The following ARMC3 variants were observed in gnomAD, a reference collection of about 807,000 sequenced individuals.
ARMC3 encodes the protein armadillo repeat containing 3, also known as armadillo repeat-containing protein 3.
In ARMC3, 74 loss-of-function variants were observed where a neutral mutation model predicts 90.3. The observed-to-expected ratio is 0.82, with a 90% confidence interval of 0.68 to 0.99. The LOEUF (loss-of-function observed/expected upper bound fraction) is 0.99, where lower values mean the gene tolerates loss of function less well. ARMC3 is among the 50% of genes least tolerant of loss of function. ARMC3 has a pLI of 0.00. For synonymous variants in ARMC3, 334 were observed against 361.8 expected, an observed-to-expected ratio of 0.92 and a Z score of 0.87; for missense variants, 958 against 1,042.8, an observed-to-expected ratio of 0.92 and a Z score of 1.12.
At position 23,001,988 on chromosome 10, in the gene ARMC3, C is replaced by CA; in HGVS notation, c.1496dup (p.His499GlnfsTer12). Reference sequence around the variant, plus strand: ...CTCCAAGAATGATGAAGTGAGGAAGCACGCCAGTTGGGCAGTGATGGTCTG... The same window carrying CA: ...CTCCAAGAATGATGAAGTGAGGAAGCAACGCCAGTTGGGCAGTGATGGTCTG... On this transcript the variant is annotated frameshift_variant, in exon 12 of 19. Coordinates refer to ENST00000298032, the MANE Select transcript of ARMC3 (RefSeq NM_173081.5). LOFTEE classifies it high-confidence loss of function. The CA allele has an allele frequency of 6.2e-7, 1 of 1,613,958 alleles. No homozygotes were observed. The highest frequency in any genetic ancestry group is 1.7e-5 in the Admixed American group (1 of 60,022).
chr10:22,953,454 CA>C (rs1834809874), intron 3 of ARMC3, among the ~76,000 whole-genome samples: 1 of 152,044 alleles, frequency 6.6e-6, no homozygotes, highest in African/African-American at 2.4e-5. Flanking sequence ...ACATGCAAAA[CA>C]ACCTTTTTGG....
At chr10:22,992,397 C>A (rs1165363596) in intron 10 of ARMC3, among the ~76,000 whole-genome samples, 1 of 152,146 alleles carries the variant, frequency 6.6e-6, no homozygotes, top group East Asian at 1.9e-4. Flanking sequence ...GTAATCAATT[C>A]GGTTTCACAT....
intron 10 of ARMC3, among the ~76,000 whole-genome samples, chr10:22,986,096 C>A (rs1028092578): frequency 3.3e-4 from 50 of 149,308 alleles, no homozygotes; most frequent in Non-Finnish European, 5.5e-4. Flanking sequence ...CACCCCCACA[C>A]CCCTGCACTG....
Position 22,986,056 on chromosome 10 carries a change from C to T in ARMC3, c.1175+4356C>T, listed in dbSNP as rs1295853313. 2.4e-4 allele frequency among the ~76,000 whole-genome samples: 36 copies of T among 150,428 alleles called. No individual in the cohort carries two copies. In the Admixed American group the frequency reaches 2.4e-3, roughly 10 times the overall value. ...ATTTTCTAACATAGCATGTAACTCACCTGGTACACTTATCATCATTTATTT... is the reference window on the plus strand; with the variant it reads ...ATTTTCTAACATAGCATGTAACTCATCTGGTACACTTATCATCATTTATTT... On this transcript the variant is annotated intron_variant, in intron 10 of 18. Transcript: ENST00000298032.
chr10:23,015,919 G>A (rs1838247701), intron 16 of ARMC3, among the ~76,000 whole-genome samples: 3 of 152,100 alleles, frequency 2.0e-5, no homozygotes, highest in African/African-American at 2.4e-5. Flanking sequence ...TTCCAGTGCT[G>A]GAGATACAGC....
At chr10:23,006,012 G>A (rs1461300478) in intron 13 of ARMC3, among the ~76,000 whole-genome samples, 1 of 152,214 alleles carries the variant, frequency 6.6e-6, no homozygotes, top group East Asian at 1.9e-4. Flanking sequence ...GTATCACTGA[G>A]AGGGTGATCA....
At chr10:23,008,782 G>C in intron 15 of ARMC3, 33 bp from the exon 16 acceptor site, 1 of 1,542,174 alleles carries the variant, frequency 6.5e-7, no homozygotes. Context: ...CCATATGATT[G>C]AAATTGGTTG....
intron 16 of ARMC3, among the ~76,000 whole-genome samples, chr10:23,011,160 G>A (rs919056991): frequency 6.6e-6 from 1 of 152,028 alleles, no homozygotes; most frequent in African/African-American, 2.4e-5. Flanking sequence ...GTTCTAATTT[G>A]AATAGTTTAT....
intron 13 of ARMC3, among the ~76,000 whole-genome samples, chr10:23,006,240 C>A (rs926462919): frequency 6.6e-6 from 1 of 152,186 alleles, no homozygotes; most frequent in Non-Finnish European, 1.5e-5. Context: ...AGACCCTAGA[C>A]CAGAGAGCTA....
chr10:22,959,475 A>T lies in ARMC3; in HGVS notation c.438A>T (p.Ile146=), dbSNP rs575859510. 6.2e-7 allele frequency: 1 copy of T among 1,613,996 alleles called. No individual in the cohort carries two copies. Among genetic ancestry groups the T allele is most frequent in the East Asian group, 2.2e-5 (1 of 44,858 alleles). ...MSAEYTSKVQ[I]FEHGGLEPLI... ...CAGAGTACACCAGTAAAGTGCAAAT[A>T]TTTGAACATGGGGGATTAGAGCCAC... is the stretch of plus-strand genomic sequence containing the variant. Residue 146 remains isoleucine, a synonymous_variant, in exon 6 of 19, where the codon ATA becomes ATT. Coordinates refer to ENST00000298032, the MANE Select transcript of ARMC3 (RefSeq NM_173081.5).
chr10:22,968,254 A>G (rs1011933742), intron 7 of ARMC3, 52 bp from the exon 8 acceptor site: 1 of 1,524,008 alleles, frequency 6.6e-7, no homozygotes, highest in African/African-American at 1.4e-5. Context: ...CAAATTTGGG[A>G]AGTGTACATT....
At chr10:22,982,985 T>G (rs571417372) in intron 10 of ARMC3, among the ~76,000 whole-genome samples, 60 of 152,336 alleles carry the variant, frequency 3.9e-4, no homozygotes, top group Non-Finnish European at 5.9e-4. Context: ...CTTTAATAGC[T>G]ACAATCTTTG....
chr10:23,007,273 G>GTGTA (rs1423791628), intron 14 of ARMC3, among the ~76,000 whole-genome samples: 1 of 152,160 alleles, frequency 6.6e-6, no homozygotes, highest in Non-Finnish European at 1.5e-5. Flanking sequence ...ATTGAAGAAA[G>GTGTA]TGTAAATAGC....
chr10:22,992,551 T>C (rs1836757797), intron 10 of ARMC3, among the ~76,000 whole-genome samples: 1 of 152,206 alleles, frequency 6.6e-6, no homozygotes, highest in Admixed American at 6.5e-5. Context: ...ATTGGTTGTC[T>C]CCCTTAATTG....
At chr10:22,989,345 T>A (rs1404185794) in intron 10 of ARMC3, among the ~76,000 whole-genome samples, 2 of 152,198 alleles carry the variant, frequency 1.3e-5, no homozygotes, top group Non-Finnish European at 2.9e-5. Flanking sequence ...ACGCATTCAT[T>A]GTACCGGTAG....
chr10:23,017,751 G>A (rs2131525722), intron 16 of ARMC3, among the ~76,000 whole-genome samples: 1 of 152,342 alleles, frequency 6.6e-6, no homozygotes, highest in Admixed American at 6.5e-5. Context: ...GGGCAACAGA[G>A]CGAGACTTCG....
intron 2 of ARMC3, among the ~76,000 whole-genome samples, chr10:22,941,531 T>A (rs1364492022): frequency 6.6e-6 from 1 of 152,188 alleles, no homozygotes; most frequent in Admixed American, 6.5e-5. Context: ...TTATCTAATG[T>A]GCTATTCTTA....
intron 16 of ARMC3, among the ~76,000 whole-genome samples, chr10:23,025,850 C>T (rs991991860): frequency 5.3e-5 from 8 of 151,958 alleles, no homozygotes; most frequent in Admixed American, 3.9e-4. Context: ...GCAAAGATGA[C>T]AATTAATCAA....
chr10:22,944,340 A>G (rs1028741229), intron 2 of ARMC3, among the ~76,000 whole-genome samples: 1 of 152,216 alleles, frequency 6.6e-6, no homozygotes, highest in Non-Finnish European at 1.5e-5. Context: ...TTTATCCACC[A>G]TAAACAAATA....
Sources: allele counts gnomAD v4.1 joint callset (sites outside exome capture counted in the v4.1 genomes callset), GRCh38; gene constraint gnomAD v4.1.1; transcripts MANE v1.5; gene names NCBI Gene and HGNC (gene_info 2026-07-23, HGNC 2026-07-21).